EFNA5: variants seen among roughly 807,000 people sequenced by gnomAD.
The protein encoded by EFNA5 is ephrin A5, also known as ephrin-A5.
A neutral mutation model predicts 22.9 loss-of-function variants in EFNA5; 5 were observed. The ratio of observed to expected loss-of-function variants is 0.22; its 90% CI spans 0.11 to 0.46. The LOEUF is 0.46. Ranked by LOEUF, EFNA5 falls within the 20% of genes least tolerant of loss-of-function variation. The pLI is 0.99. For missense variants in EFNA5, 237 were observed against 293.3 expected (o/e 0.81, Z 1.40); for synonymous variants, 113 against 112.2 (o/e 1.01, Z -0.04).
chr5:107,388,334 C>T (rs1324932195), intron 2 of EFNA5, among the ~76,000 whole-genome samples: 1 of 152,154 alleles, frequency 6.6e-6, no homozygotes, highest in Admixed American at 6.5e-5. Flanking sequence ...CAGAACTTGG[C>T]TCTGCATTCT....
chr5:107,480,700 C>A (rs895867895), intron 1 of EFNA5, among the ~76,000 whole-genome samples: 4 of 152,046 alleles, frequency 2.6e-5, no homozygotes, highest in Admixed American at 2.6e-4. Context: ...ATGAGCAGGG[C>A]TGGGGATACA....
At chr5:107,454,919 G>C (rs1248691119) in intron 1 of EFNA5, among the ~76,000 whole-genome samples, 1 of 152,122 alleles carries the variant, frequency 6.6e-6, no homozygotes, top group Non-Finnish European at 1.5e-5. Context: ...GAAGCTTTTA[G>C]GTCTGAAGAG....
Position 107,409,799 on chromosome 5 carries a change from G to C in EFNA5, c.418+17418C>G, listed in dbSNP as rs375663600. Among the ~76,000 whole-genome samples, 19 of 152,254 alleles carry C rather than the reference G, an allele frequency of 1.2e-4. No homozygotes were observed. The South Asian group carries it at 3.9e-3, about 32-fold the overall frequency. On this transcript the variant is annotated intron_variant, in intron 2 of 4. Coordinates refer to ENST00000333274, the MANE Select transcript of EFNA5 (RefSeq NM_001962.3). The stretch of plus-strand genomic sequence containing the variant: ...CAGAGCCTATCACATGAACAGAAAA[G>C]CCACTTACTAGGTACAAGTATGTCT...
intron 1 of EFNA5, among the ~76,000 whole-genome samples, chr5:107,658,947 GGCC>G (rs1207134025): frequency 9.2e-5 from 14 of 152,026 alleles, no homozygotes; most frequent in African/African-American, 3.4e-4. Flanking sequence ...AACAGTACCT[GGCC>G]CACAGTGGAC....
At chr5:107,605,472 A>G (rs1351598467) in intron 1 of EFNA5, among the ~76,000 whole-genome samples, 1 of 152,130 alleles carries the variant, frequency 6.6e-6, no homozygotes, top group Non-Finnish European at 1.5e-5. Flanking sequence ...GAGAAACCTT[A>G]TAGGAGCAAT....
chr5:107,541,317 A>G (rs1250572113), intron 1 of EFNA5, among the ~76,000 whole-genome samples: 1 of 152,184 alleles, frequency 6.6e-6, no homozygotes, highest in Non-Finnish European at 1.5e-5. Flanking sequence ...AAGTTAATTT[A>G]TCAGAATGCC....
At chr5:107,534,436 A>C (rs963372669) in intron 1 of EFNA5, among the ~76,000 whole-genome samples, 21 of 152,358 alleles carry the variant, frequency 1.4e-4, no homozygotes, top group Middle Eastern at 3.4e-3. Context: ...AATGACAATA[A>C]AGAATGTAAA....
chr5:107,540,248 TAGTC>T (rs1748017125), intron 1 of EFNA5, among the ~76,000 whole-genome samples: 1 of 152,074 alleles, frequency 6.6e-6, no homozygotes, highest in Non-Finnish European at 1.5e-5. Context: ...CTAAAATACA[TAGTC>T]AAGACAGAGG....
intron 1 of EFNA5, among the ~76,000 whole-genome samples, chr5:107,452,224 G>T (rs1270209495): frequency 2.0e-5 from 3 of 152,002 alleles, no homozygotes; most frequent in African/African-American, 7.3e-5. Context: ...GGGGTTGGGG[G>T]TGAGGGGAGG....
At chr5:107,493,765 T>C (rs1746880040) in intron 1 of EFNA5, among the ~76,000 whole-genome samples, 2 of 152,210 alleles carry the variant, frequency 1.3e-5, no homozygotes, top group Admixed American at 6.5e-5. Flanking sequence ...AACTGGTATA[T>C]TTTGCCTTCA....
At chr5:107,536,796 T>C (rs889467741) in intron 1 of EFNA5, among the ~76,000 whole-genome samples, 4 of 152,328 alleles carry the variant, frequency 2.6e-5, no homozygotes, top group African/African-American at 4.8e-5. Context: ...AGGAAACTTA[T>C]ACTCAATAGG....
chr5:107,499,696 T>C (rs1160668437), intron 1 of EFNA5, among the ~76,000 whole-genome samples: 1 of 152,164 alleles, frequency 6.6e-6, no homozygotes, highest in African/African-American at 2.4e-5. Context: ...GTGTTTTAAT[T>C]AGAGCTGCAG....
At chr5:107,551,688 T>G (rs891302124) in intron 1 of EFNA5, among the ~76,000 whole-genome samples, 1 of 152,148 alleles carries the variant, frequency 6.6e-6, no homozygotes, top group African/African-American at 2.4e-5. Context: ...AGGAAACAAA[T>G]GATCAAAGTG....
At chr5:107,448,689 A>G (rs1480940284) in intron 1 of EFNA5, among the ~76,000 whole-genome samples, 1 of 151,362 alleles carries the variant, frequency 6.6e-6, no homozygotes, top group African/African-American at 2.4e-5. Context: ...AATTAGCTGC[A>G]TGTGGTGGTG....
At chr5:107,629,912 C>T (rs572268848) in intron 1 of EFNA5, among the ~76,000 whole-genome samples, 14 of 152,046 alleles carry the variant, frequency 9.2e-5, no homozygotes, top group Non-Finnish European at 1.6e-4. Context: ...CAACATTAGC[C>T]GGGCATGGAG....
At chr5:107,469,809 C>T (rs951075760) in intron 1 of EFNA5, among the ~76,000 whole-genome samples, 3 of 152,104 alleles carry the variant, frequency 2.0e-5, no homozygotes, top group South Asian at 4.1e-4. Flanking sequence ...CACACAAATA[C>T]CAGAAAGAGA....
At chr5:107,666,139 A>G (rs926444574) in intron 1 of EFNA5, among the ~76,000 whole-genome samples, 1 of 152,188 alleles carries the variant, frequency 6.6e-6, no homozygotes, top group African/African-American at 2.4e-5. Flanking sequence ...ATAAACTTTC[A>G]ATCTTTACTC....
At chr5:107,628,956 T>G (rs1750191415) in intron 1 of EFNA5, among the ~76,000 whole-genome samples, 1 of 152,100 alleles carries the variant, frequency 6.6e-6, no homozygotes, top group Admixed American at 6.5e-5. Context: ...AAATAAATGG[T>G]AAGAGCTCTA....
At chr5:107,532,719 T>C (rs191353028) in intron 1 of EFNA5, among the ~76,000 whole-genome samples, 140 of 152,364 alleles carry the variant, frequency 9.2e-4, no homozygotes, top group Middle Eastern at 3.4e-3. Context: ...ACCTGCCATA[T>C]GGCTGTCTGA....
Sources: allele counts gnomAD v4.1 joint callset (sites outside exome capture counted in the v4.1 genomes callset), GRCh38; gene constraint gnomAD v4.1.1; transcripts MANE v1.5; gene names NCBI Gene and HGNC (gene_info 2026-07-23, HGNC 2026-07-21).